Variants in TTC7B observed in about 807,000 individuals in gnomAD.
TTC7B encodes the protein tetratricopeptide repeat protein 7B.
In TTC7B, 28 loss-of-function variants were observed where a neutral mutation model predicts 106.8. That is an observed-to-expected ratio of 0.26 (90% CI 0.19 to 0.36). The LOEUF is 0.36. Ranked by LOEUF, TTC7B falls within the 10% of genes least tolerant of loss-of-function variation. The pLI is 1.00. For synonymous variants in TTC7B, 405 were observed against 430.6 expected (o/e 0.94, Z 0.74); for missense variants, 862 against 1,076.4 (o/e 0.80, Z 2.79).
intron 6 of TTC7B, 96 bp from the exon 7 acceptor site, chr14:90,689,808 C>CT: frequency 7.5e-7 from 1 of 1,332,538 alleles, no homozygotes; most frequent in Non-Finnish European, 1.0e-6. Flanking sequence ...TCACATTGTG[C>CT]TAAGCACTAC....
intron 15 of TTC7B, among the ~76,000 whole-genome samples, chr14:90,622,968 C>T (rs570749385): frequency 6.6e-6 from 1 of 152,090 alleles, no homozygotes; most frequent in Non-Finnish European, 1.5e-5. Context: ...GGTCAGCTTC[C>T]CCCATGTGTC....
chr14:90,627,130 C>T (rs1884477550), intron 15 of TTC7B, among the ~76,000 whole-genome samples: 2 of 152,084 alleles, frequency 1.3e-5, no homozygotes, highest in South Asian at 2.1e-4. Context: ...TGCAGGCATG[C>T]GTCACCATGA....
chr14:90,608,944 C>T lies in TTC7B; in HGVS notation c.1966+1798G>A, dbSNP rs534518082. On this transcript the variant is annotated intron_variant, in intron 17 of 19. Transcript: ENST00000328459. The surrounding 1 kb of genome is among the most constrained non-coding windows in gnomAD (Gnocchi z 5.1). ...CTTAGGAGGGAGAAAAGTGGGGAGACGGCGCTGGGTAGCCACAGCAGCTGT... is the reference window on the plus strand; with the variant it reads ...CTTAGGAGGGAGAAAAGTGGGGAGATGGCGCTGGGTAGCCACAGCAGCTGT... Among the ~76,000 whole-genome samples the T allele has an allele frequency of 1.3e-3, 199 of 152,298 alleles. 1 individual carries two copies. Among genetic ancestry groups the T allele is most frequent in the African/African-American group, 4.1e-3 (169 of 41,564 alleles).
intron 9 of TTC7B, among the ~76,000 whole-genome samples, chr14:90,668,728 T>C (rs1387869460): frequency 1.3e-5 from 2 of 152,072 alleles, no homozygotes; most frequent in South Asian, 2.1e-4. Flanking sequence ...AGAACTGAGA[T>C]TATCACACAG....
chr14:90,751,442 T>G (rs1890131792), intron 3 of TTC7B, among the ~76,000 whole-genome samples: 1 of 152,214 alleles, frequency 6.6e-6, no homozygotes, highest in East Asian at 1.9e-4. Flanking sequence ...TCTACCAGGC[T>G]GCAGTACAGT....
At chr14:90,737,198 C>T (rs1889568668) in intron 4 of TTC7B, among the ~76,000 whole-genome samples, 1 of 152,012 alleles carries the variant, frequency 6.6e-6, no homozygotes, top group Non-Finnish European at 1.5e-5. Flanking sequence ...AAAAATTAGA[C>T]AAAAAGGATA....
chr14:90,588,491 C>G (rs989808444), intron 18 of TTC7B, among the ~76,000 whole-genome samples: 2 of 152,138 alleles, frequency 1.3e-5, no homozygotes, highest in Non-Finnish European at 2.9e-5. Flanking sequence ...AAGACCCTGG[C>G]TCAGTGCTGA....
chr14:90,647,321 T>C, intron 13 of TTC7B: 1 of 339,318 alleles, frequency 2.9e-6, no homozygotes. Flanking sequence ...CCATAGGCCC[T>C]GAGGTCTGAT....
At chr14:90,573,318 C>T (rs1008365437) in intron 19 of TTC7B, among the ~76,000 whole-genome samples, 13 of 152,130 alleles carry the variant, frequency 8.5e-5, no homozygotes, top group African/African-American at 2.7e-4. Flanking sequence ...ACTGCTGTCC[C>T]GATGCTCTTT....
chr14:90,779,830 C>T (rs1324652295), intron 3 of TTC7B, among the ~76,000 whole-genome samples: 2 of 152,168 alleles, frequency 1.3e-5, no homozygotes, highest in Non-Finnish European at 2.9e-5. Context: ...CACTAGAGTG[C>T]AAACTGCTTC....
chr14:90,606,035 T>C (rs113739683), intron 17 of TTC7B, among the ~76,000 whole-genome samples: 54 of 152,330 alleles, frequency 3.5e-4, no homozygotes, highest in African/African-American at 1.2e-3. Context: ...TGTGATCTGC[T>C]GAAAATAATA....
chr14:90,708,024 TA>T (rs1888281542), intron 5 of TTC7B, among the ~76,000 whole-genome samples: 1 of 151,516 alleles, frequency 6.6e-6, no homozygotes, highest in African/African-American at 2.4e-5. Flanking sequence ...TGGGTGCCTG[TA>T]ATCCCAGCTA....
intron 3 of TTC7B, among the ~76,000 whole-genome samples, chr14:90,778,312 G>T (rs1381178670): frequency 6.6e-6 from 1 of 152,190 alleles, no homozygotes; most frequent in Non-Finnish European, 1.5e-5. Flanking sequence ...TATCACCCAG[G>T]GCCAGGCTCG....
At chr14:90,615,480 G>C (rs1031873631) in intron 16 of TTC7B, among the ~76,000 whole-genome samples, 1 of 152,204 alleles carries the variant, frequency 6.6e-6, no homozygotes, top group Non-Finnish European at 1.5e-5. Flanking sequence ...AATGCTTTCT[G>C]CTCAGTTTTC....
rs1374336959 is a variant in TTC7B at position 90,654,911 on chromosome 14, G to C, written c.1459+82C>G. ...GCTTCTGCACCCTCCTGAGACAGAA[G>C]GGGACTGTGGGAATCCCGCAGGGTA... On this transcript the variant is annotated intron_variant, in intron 12 of 19. Coordinates refer to ENST00000328459, the MANE Select transcript of TTC7B (RefSeq NM_001010854.2). 3 of 1,125,232 alleles carry C rather than the reference G, an allele frequency of 2.7e-6. No homozygotes were observed. The African/African-American group carries it at 4.6e-5, about 17-fold the overall frequency. The allele number at this position is 1,125,232 out of a possible 1,614,324, so 69.7% of individuals were successfully genotyped here.
chr14:90,779,584 G>A (rs887587607), intron 3 of TTC7B, among the ~76,000 whole-genome samples: 3 of 152,174 alleles, frequency 2.0e-5, no homozygotes, highest in Admixed American at 6.5e-5. Flanking sequence ...GATTACAGGC[G>A]TGAGCTACCG....
chr14:90,752,766 AG>A (rs1890174241), intron 3 of TTC7B, among the ~76,000 whole-genome samples: 1 of 152,262 alleles, frequency 6.6e-6, no homozygotes, highest in South Asian at 2.1e-4. Context: ...TGATAAAGCC[AG>A]GTTCCGACCC....
chr14:90,692,632 C>T (rs752000499), intron 6 of TTC7B, among the ~76,000 whole-genome samples: 17 of 152,124 alleles, frequency 1.1e-4, no homozygotes, highest in African/African-American at 1.9e-4. Flanking sequence ...AAAACAATTA[C>T]GAAAACACTT....
chr14:90,598,544 A>G (rs1892306110), intron 17 of TTC7B, among the ~76,000 whole-genome samples: 1 of 152,140 alleles, frequency 6.6e-6, no homozygotes, highest in African/African-American at 2.4e-5. Context: ...AGGACCAGGA[A>G]CCAAGAGGAA....
Sources: gnomAD v4.1 joint callset for allele counts (sites outside exome capture counted in the v4.1 genomes callset) on GRCh38, gnomAD v4.1.1 for gene constraint, Gnocchi (gnomAD v3.1) non-coding constraint, MANE v1.5 for transcripts, NCBI Gene and HGNC (gene_info 2026-07-23, HGNC 2026-07-21) for gene names.